The following TRERF1 variants were observed in gnomAD, a reference collection of about 807,000 sequenced individuals.
TRERF1 encodes transcriptional-regulating factor 1.
Under a neutral mutation model 122.9 loss-of-function variants are expected in TRERF1, and 27 were observed. The observed-to-expected ratio is 0.22, with a 90% CI of 0.16 to 0.30. The LOEUF (loss-of-function observed/expected upper bound fraction) is 0.30, where lower values mean the gene tolerates loss of function less well. Among genes scored for constraint, TRERF1 ranks in the 10% least tolerant of loss-of-function variants. The probability of loss-of-function intolerance (pLI) is 1.00; values close to 1 mark genes in which losing one functional copy is unlikely to be tolerated. For synonymous variants in TRERF1, 636 were observed against 641.7 expected, an observed-to-expected ratio of 0.99 and a Z score of 0.13; for missense variants, 1,248 against 1,560.3, an observed-to-expected ratio of 0.80 and a Z score of 3.37.
At chr6:42,279,581 A>T (rs1781918042) in intron 4 of TRERF1, among the ~76,000 whole-genome samples, 1 of 152,330 alleles carries the variant, frequency 6.6e-6, no homozygotes, top group Admixed American at 6.5e-5. Flanking sequence ...CTCTGTTGCT[A>T]TCACTCAAGC....
intron 3 of TRERF1, among the ~76,000 whole-genome samples, chr6:42,342,420 T>C (rs1032500231): frequency 6.6e-6 from 1 of 152,150 alleles, no homozygotes; most frequent in African/African-American, 2.4e-5. Context: ...CTCCAGCCCC[T>C]ACTCATGGCA....
intron 2 of TRERF1, among the ~76,000 whole-genome samples, chr6:42,387,955 A>C (rs1447405616): frequency 6.6e-6 from 1 of 152,104 alleles, no homozygotes; most frequent in Non-Finnish European, 1.5e-5. Flanking sequence ...TCACAGGTAC[A>C]TGCCACCACG....
At chr6:42,425,036 G>C (rs146956641) in intron 2 of TRERF1, among the ~76,000 whole-genome samples, 154 of 152,232 alleles carry the variant, frequency 1.0e-3, no homozygotes, top group Non-Finnish European at 1.7e-3. Flanking sequence ...AAAAGCCCGG[G>C]CTCGTGACTC....
intron 2 of TRERF1, among the ~76,000 whole-genome samples, chr6:42,389,181 CA>C (rs1167775492): frequency 1.3e-5 from 2 of 152,236 alleles, no homozygotes; most frequent in African/African-American, 4.8e-5. Flanking sequence ...CAGTAGAATA[CA>C]GTTGACACTG....
intron 3 of TRERF1, among the ~76,000 whole-genome samples, chr6:42,303,837 A>G (rs1193295310): frequency 1.4e-5 from 2 of 144,800 alleles, no homozygotes; most frequent in Non-Finnish European, 3.0e-5. Flanking sequence ...TGGGAGGTGA[A>G]GGCTGCAGTG....
At chr6:42,330,757 C>T (rs982355426) in intron 3 of TRERF1, among the ~76,000 whole-genome samples, 1 of 152,166 alleles carries the variant, frequency 6.6e-6, no homozygotes, top group Non-Finnish European at 1.5e-5. Flanking sequence ...GTCTCAACAT[C>T]CTGGGCTCAA....
At chr6:42,257,591 A>C (rs1487974919) in intron 10 of TRERF1, among the ~76,000 whole-genome samples, 1 of 152,250 alleles carries the variant, frequency 6.6e-6, no homozygotes, top group African/African-American at 2.4e-5. Flanking sequence ...TAACTGGATC[A>C]AGATCAAATT....
intron 16 of TRERF1, among the ~76,000 whole-genome samples, 195 bp from the exon 17 acceptor site, chr6:42,233,123 G>A (rs1218952882): frequency 6.6e-6 from 1 of 152,072 alleles, no homozygotes; most frequent in Non-Finnish European, 1.5e-5. Flanking sequence ...GAGAAGAAGC[G>A]ACGTGGCACA....
Position 42,268,075 on chromosome 6 carries a change from G to A in TRERF1, c.1437+79C>T. On this transcript the variant is annotated intron_variant, in intron 5 of 17. Coordinates refer to ENST00000372922, the Ensembl canonical transcript of TRERF1. This position sits in a 1 kb window ranked among gnomAD's most constrained non-coding sequence, Gnocchi z 4.4. ...AACAAAAGGGTTGAGGGGGCTTGGAGAGAGGATTGAGCACTGCAGACTCAG... is the reference window on the plus strand; with the variant it reads ...AACAAAAGGGTTGAGGGGGCTTGGAAAGAGGATTGAGCACTGCAGACTCAG... The A allele has an allele frequency of 7.4e-7, 1 of 1,356,332 alleles. No homozygotes were observed. Among genetic ancestry groups the A allele is most frequent in the Non-Finnish European group, 9.6e-7 (1 of 1,046,020 alleles). The allele number at this position is 1,356,332 out of a possible 1,614,324, so 84.0% of individuals were successfully genotyped here.
chr6:42,352,293 C>A (rs964332839), intron 3 of TRERF1, among the ~76,000 whole-genome samples: 1 of 152,216 alleles, frequency 6.6e-6, no homozygotes, highest in Non-Finnish European at 1.5e-5. Flanking sequence ...CTGCATCCAG[C>A]CTCATAATTT....
At chr6:42,227,975 C>T (rs527277243) in exon 18 of TRERF1, 61 of 172,488 alleles carry the variant, frequency 3.5e-4, no homozygotes, top group Non-Finnish European at 6.2e-4. Flanking sequence ...GGGTCGCCTG[C>T]GTCTCACACA....
intron 4 of TRERF1, among the ~76,000 whole-genome samples, chr6:42,299,792 G>A (rs187736094): frequency 2.0e-5 from 3 of 152,300 alleles, no homozygotes; most frequent in African/African-American, 7.2e-5. Context: ...TGTCTTAAAA[G>A]ACAGAGACCC....
At chr6:42,314,917 G>T (rs909290604) in intron 3 of TRERF1, among the ~76,000 whole-genome samples, 2 of 152,218 alleles carry the variant, frequency 1.3e-5, no homozygotes, top group African/African-American at 4.8e-5. Context: ...ACTTGATGGA[G>T]CGAATAGGTT....
intron 3 of TRERF1, among the ~76,000 whole-genome samples, chr6:42,338,784 A>G (rs1384199922): frequency 3.9e-5 from 6 of 152,180 alleles, no homozygotes. Context: ...CCGCACCATA[A>G]TACCAGGGTT....
At chr6:42,317,845 C>A (rs2150410954) in intron 3 of TRERF1, among the ~76,000 whole-genome samples, 1 of 151,952 alleles carries the variant, frequency 6.6e-6, no homozygotes, top group Middle Eastern at 3.4e-3. Context: ...ATAAAATAAG[C>A]ATTTTGTCAT....
At chr6:42,443,253 C>T (rs1226672009) in intron 2 of TRERF1, among the ~76,000 whole-genome samples, 1 of 152,216 alleles carries the variant, frequency 6.6e-6, no homozygotes, top group Non-Finnish European at 1.5e-5. Context: ...CAAGAGAGTT[C>T]ATTATACTAG....
intron 4 of TRERF1, among the ~76,000 whole-genome samples, chr6:42,282,546 C>CCAAA (rs574008089): frequency 4.0e-4 from 61 of 151,708 alleles, no homozygotes; most frequent in Admixed American, 1.3e-3. Context: ...AGACCCTGTC[C>CCAAA]CAAACAAACA....
chr6:42,267,010 G>C (rs1779321648), intron 5 of TRERF1, among the ~76,000 whole-genome samples: 1 of 152,138 alleles, frequency 6.6e-6, no homozygotes. Context: ...CATGGTATCT[G>C]CGAGACTCAC....
intron 15 of TRERF1, among the ~76,000 whole-genome samples, chr6:42,238,181 G>GT (rs1165881050): frequency 1.4e-4 from 21 of 152,304 alleles, no homozygotes; most frequent in Middle Eastern, 3.4e-3. Context: ...CAAACATTAA[G>GT]TAGCCCATGG....
Sources: gnomAD v4.1 joint callset for allele counts (sites outside exome capture counted in the v4.1 genomes callset) on GRCh38, gnomAD v4.1.1 for gene constraint, Gnocchi (gnomAD v3.1) non-coding constraint, MANE v1.5 for transcripts, NCBI Gene and HGNC (gene_info 2026-07-23, HGNC 2026-07-21) for gene names.